HMGA1: variants seen among roughly 807,000 people sequenced by gnomAD.
HMGA1 encodes the protein high mobility group protein HMG-I/HMG-Y.
A neutral mutation model predicts 15.1 loss-of-function variants in HMGA1; 1 was observed. The observed-to-expected ratio is 0.07, with a 90% confidence interval of 0.02 to 0.31. The LOEUF is 0.31. Among genes scored for constraint, HMGA1 ranks in the 10% least tolerant of loss-of-function variants. The pLI is 1.00. For missense variants in HMGA1, 94 were observed against 141.4 expected (o/e 0.66, Z 1.70); for synonymous variants, 56 against 54.8 (o/e 1.02, Z -0.10).
At chr6:34,237,532 T>C (rs1384185650) in intron 2 of HMGA1, among the ~76,000 whole-genome samples, 3 of 141,442 alleles carry the variant, frequency 2.1e-5, no homozygotes, top group Non-Finnish European at 4.7e-5. Flanking sequence ...CCCGCACCCC[T>C]TCCCCCGCGC....
rs932584114 is a variant in HMGA1 at position 34,240,667 on chromosome 6, T to C, written c.-44-70T>C. On this transcript the variant is annotated intron_variant, in intron 2 of 5. Transcript: ENST00000311487. ...AGTTTTCTGCAGTGTGCCTTGAAGGTGTGGGTGATGAGGGGGTAGAAAGTG... is the reference window on the plus strand; with the variant it reads ...AGTTTTCTGCAGTGTGCCTTGAAGGCGTGGGTGATGAGGGGGTAGAAAGTG... The C allele has an allele frequency of 2.5e-6, 3 of 1,207,784 alleles. No individual in the cohort carries two copies. The African/African-American group carries it at 4.5e-5, about 18-fold the overall frequency. The allele number at this position is 1,207,784 out of a possible 1,614,324, so 74.8% of individuals were successfully genotyped here.
chr6:34,238,618 C>T (rs528618073), intron 2 of HMGA1, among the ~76,000 whole-genome samples: 7 of 152,272 alleles, frequency 4.6e-5, no homozygotes, highest in African/African-American at 1.7e-4. Context: ...GGCTTGAGGC[C>T]CAAGCGGGCT....
chr6:34,240,478 A>G (rs1478080309), intron 2 of HMGA1, among the ~76,000 whole-genome samples: 1 of 152,060 alleles, frequency 6.6e-6, no homozygotes, highest in Non-Finnish European at 1.5e-5. Flanking sequence ...ACCACGCTGC[A>G]CTGGGGCGGT....
intron 5 of HMGA1, among the ~76,000 whole-genome samples, chr6:34,244,381 C>T (rs1228120259): frequency 6.6e-6 from 1 of 152,100 alleles, no homozygotes; most frequent in Non-Finnish European, 1.5e-5. Flanking sequence ...AGGGCCAGGG[C>T]ACCACAGCAC....
At position 34,239,268 on chromosome 6, in the gene HMGA1, C is replaced by T. The variant is rs890025318; in HGVS notation, c.-44-1469C>T. Among the ~76,000 whole-genome samples the T allele has an allele frequency of 2.0e-3, 290 of 144,848 alleles. 1 individual carries two copies. Among genetic ancestry groups the T allele is most frequent in the African/African-American group, 4.6e-3 (184 of 39,848 alleles). On this transcript the variant is annotated intron_variant, in intron 2 of 5. Coordinates refer to ENST00000311487, the MANE Select transcript of HMGA1 (RefSeq NM_145899.3). Reference sequence around the variant, plus strand: ...CATTGGGGTAAAAACTCTTTTTCTTCTTTTTTTTTTTTCTTTTAAATTAGA... The same window carrying T: ...CATTGGGGTAAAAACTCTTTTTCTTTTTTTTTTTTTTTCTTTTAAATTAGA...
In HMGA1 at chr6:34,240,732, C is replaced by G. The variant is rs1201728594; in HGVS notation, c.-44-5C>G. On this transcript the variant is annotated splice_polypyrimidine_tract_variant and splice_region_variant and intron_variant, in intron 2 of 5. Coordinates refer to ENST00000311487, the MANE Select transcript of HMGA1 (RefSeq NM_145899.3). ...TTTGTCTAAAAGCACTTTTCTGTCT[C>G]CCAGCATCCCAGCCATCACTCTTCC... is the stretch of plus-strand genomic sequence containing the variant. 1.2e-6 allele frequency: 2 copies of G among 1,609,838 alleles called. No individual in the cohort carries two copies. The highest frequency in any genetic ancestry group is 2.2e-5 in the South Asian group (2 of 90,868).
intron 2 of HMGA1, among the ~76,000 whole-genome samples, chr6:34,238,331 C>T (rs987964233): frequency 6.6e-6 from 1 of 152,198 alleles, no homozygotes; most frequent in Non-Finnish European, 1.5e-5. Flanking sequence ...GAGTCACCCT[C>T]GGGCCGGGTC....
At chr6:34,237,087 G>A (rs1300845673) in intron 1 of HMGA1, 117 bp from the exon 2 acceptor site, 2 of 151,982 alleles carry the variant, frequency 1.3e-5, no homozygotes, top group East Asian at 3.9e-4. Flanking sequence ...CTTCGGGGGA[G>A]GGGGAATATT....
Position 34,245,258 on chromosome 6 carries a change from C to G in HMGA1, c.*374C>G. ...TCTGGGCTTTTGGTTTGGGGGCGCC[C>G]TCTCTGCTCCTTCACTGTTCCCTCT... On this transcript the variant is annotated 3_prime_UTR_variant, in exon 6 of 6. Transcript: ENST00000311487. The G allele has an allele frequency of 7.3e-7, 1 of 1,377,266 alleles. No individual in the cohort carries two copies. The allele number at this position is 1,377,266 out of a possible 1,614,324, so 85.3% of individuals were successfully genotyped here. A position where few individuals can be genotyped will look rare whatever the true frequency, so the allele number is the denominator to read the frequency against.
chr6:34,241,641 C>T (rs1308498147), intron 3 of HMGA1, among the ~76,000 whole-genome samples: 1 of 152,208 alleles, frequency 6.6e-6, no homozygotes, highest in African/African-American at 2.4e-5. Flanking sequence ...GGGAGCATGG[C>T]CATTTGGGCA....
chr6:34,245,356 C>G lies in HMGA1; in HGVS notation c.*472C>G, dbSNP rs145863026. The stretch of plus-strand genomic sequence containing the variant: ...GCCCAAGCCCCATCTCATCCTGGCA[C>G]GCCCTACTCCACTGCCCTGGCAGCA... On this transcript the variant is annotated 3_prime_UTR_variant, in exon 6 of 6. Coordinates refer to ENST00000311487, the MANE Select transcript of HMGA1 (RefSeq NM_145899.3). 13 of 1,358,554 alleles carry G rather than the reference C, an allele frequency of 9.6e-6. No homozygotes were observed. In the South Asian group the frequency reaches 1.1e-4, roughly 12 times the overall value. 84.2% of individuals were successfully genotyped at this position (1,358,554 alleles called of 1,614,324 possible).
At chr6:34,244,763 G>A (rs762671006) in intron 5 of HMGA1, 68 bp from the exon 6 acceptor site, 16 of 1,373,832 alleles carry the variant, frequency 1.2e-5, no homozygotes, top group African/African-American at 1.4e-5. Flanking sequence ...GAGCGGGTGG[G>A]GCCAGCCTCT....
At chr6:34,241,886 C>CT (rs1762341068) in intron 3 of HMGA1, among the ~76,000 whole-genome samples, 1 of 152,256 alleles carries the variant, frequency 6.6e-6, no homozygotes, top group African/African-American at 2.4e-5. Context: ...GAGGAGTCTG[C>CT]TGTGTTGGAA....
intron 2 of HMGA1, among the ~76,000 whole-genome samples, chr6:34,239,259 C>T (rs1762094602): frequency 6.6e-6 from 1 of 150,386 alleles, no homozygotes; most frequent in Admixed American, 6.6e-5. Context: ...GGTAAAAACT[C>T]TTTTTCTTCT....
intron 2 of HMGA1, among the ~76,000 whole-genome samples, chr6:34,240,467 C>A (rs751622699): frequency 2.0e-5 from 3 of 152,134 alleles, no homozygotes; most frequent in East Asian, 1.9e-4. Context: ...GGACCCCCCC[C>A]ACCACGCTGC....
chr6:34,244,671 G>C (rs976762391), intron 5 of HMGA1, among the ~76,000 whole-genome samples, 160 bp from the exon 6 acceptor site: 2 of 152,102 alleles, frequency 1.3e-5, no homozygotes, highest in East Asian at 3.9e-4. Context: ...TTTTATGAAT[G>C]AAGCCGGGCC....
At chr6:34,241,066 C>A in intron 3 of HMGA1, 151 bp downstream of exon 3, 1 of 882,066 alleles carries the variant, frequency 1.1e-6, no homozygotes. Flanking sequence ...TGTGTGTACT[C>A]CTGCCCCACT....
chr6:34,245,895 T>C lies in HMGA1; in HGVS notation c.*1011T>C. 3.2e-6 allele frequency: 1 copy of C among 316,344 alleles called. No homozygotes were observed. The highest frequency in any genetic ancestry group is 4.0e-5 in the South Asian group (1 of 24,852). 19.6% of individuals were successfully genotyped at this position (316,344 alleles called of 1,614,324 possible). On this transcript the variant is annotated 3_prime_UTR_variant, in exon 6 of 6. Coordinates refer to ENST00000311487, the MANE Select transcript of HMGA1 (RefSeq NM_145899.3). The stretch of plus-strand genomic sequence containing the variant: ...TTGTTCAATGTTCCATTCTTCGACA[T>C]CCGTCATTGCTGCTGCTACCAGCGC...
intron 2 of HMGA1, among the ~76,000 whole-genome samples, chr6:34,239,119 T>G (rs1401778978): frequency 6.6e-6 from 1 of 152,166 alleles, no homozygotes; most frequent in African/African-American, 2.4e-5. Context: ...GGTCTCCAAG[T>G]CTGAAACATT....
Sources: allele counts gnomAD v4.1 joint callset (sites outside exome capture counted in the v4.1 genomes callset), GRCh38; gene constraint gnomAD v4.1.1; transcripts MANE v1.5; gene names NCBI Gene and HGNC (gene_info 2026-07-23, HGNC 2026-07-21).